Variants in PAXIP1 observed in about 807,000 individuals in gnomAD.
The protein encoded by PAXIP1 is PAX interacting protein 1.
PAXIP1 carries 19 observed loss-of-function variants against 140.6 expected under a neutral mutation model. The observed-to-expected ratio is 0.14, with a 90% CI of 0.09 to 0.20. PAXIP1 has a LOEUF of 0.20. Ranked by LOEUF, PAXIP1 falls within the 10% of genes least tolerant of loss-of-function variation. PAXIP1 has a pLI of 1.00. For synonymous variants in PAXIP1, 442 were observed against 444.6 expected (o/e 0.99, Z 0.07); for missense variants, 920 against 1,208.6 (o/e 0.76, Z 3.54).
chr7:154,986,120 A>G lies in PAXIP1; in HGVS notation c.325-2788T>C, dbSNP rs1268174397. 1 of 1,362,520 alleles carries G rather than the reference A, an allele frequency of 7.3e-7. No homozygotes were observed. The highest frequency in any genetic ancestry group is 9.8e-7 in the Non-Finnish European group (1 of 1,020,436). The allele number at this position is 1,362,520 out of a possible 1,614,324, so 84.4% of individuals were successfully genotyped here. ...TTCTGCTGGACAAGCTCCCTTCCCT[A>G]CCTCTCCCTGGGAGAGCTCTGGAAG... On this transcript the variant is annotated intron_variant, in intron 4 of 20. Coordinates refer to ENST00000404141, the MANE Select transcript of PAXIP1 (RefSeq NM_007349.4). This position sits in a 1 kb window ranked among gnomAD's most constrained non-coding sequence, Gnocchi z 4.8.
intron 7 of PAXIP1, 31 bp from the exon 8 acceptor site, chr7:154,967,941 T>G: frequency 6.7e-7 from 1 of 1,488,670 alleles, no homozygotes; most frequent in Non-Finnish European, 9.3e-7. Flanking sequence ...AAAAAGAAAA[T>G]TAAAACCCTA....
At chr7:154,955,670 AT>A in intron 14 of PAXIP1, 39 bp from the exon 15 acceptor site, 2 of 1,107,926 alleles carry the variant, frequency 1.8e-6, no homozygotes, top group Non-Finnish European at 2.6e-6. Flanking sequence ...GTGATTTCAT[AT>A]TTACTTACAA....
intron 20 of PAXIP1, 91 bp from the exon 21 acceptor site, chr7:154,944,255 A>G: frequency 2.6e-6 from 3 of 1,149,204 alleles, no homozygotes; most frequent in Non-Finnish European, 3.8e-6. Flanking sequence ...AGTTTCAGAG[A>G]CACCCTTGAA....
Position 154,975,779 on chromosome 7 carries a change from A to AT in PAXIP1, c.990_991insA (p.Trp331MetfsTer13). Reference sequence around the variant, plus strand: ...CTCAGTGTCCGTACAGCTGGACTCCAGGTAGCTATCATTTCTGATCTTTCA... The same window carrying AT: ...CTCAGTGTCCGTACAGCTGGACTCCATGGTAGCTATCATTTCTGATCTTTCA... On this transcript the variant is annotated frameshift_variant, in exon 6 of 21. Coordinates refer to ENST00000404141, the MANE Select transcript of PAXIP1 (RefSeq NM_007349.4). LOFTEE classifies it high-confidence loss of function. 1 of 1,613,874 alleles carries AT rather than the reference A, an allele frequency of 6.2e-7. No homozygotes were observed. The highest frequency in any genetic ancestry group is 8.5e-7 in the Non-Finnish European group (1 of 1,179,774).
In PAXIP1 at chr7:154,963,334, C is replaced by T. The variant is rs1439421359; in HGVS notation, c.1989+337G>A. Among the ~76,000 whole-genome samples the T allele has an allele frequency of 1.3e-5, 2 of 152,078 alleles. No homozygotes were observed. Among genetic ancestry groups the T allele is most frequent in the African/African-American group, 2.4e-5 (1 of 41,394 alleles). On this transcript the variant is annotated intron_variant, in intron 9 of 20. Transcript: ENST00000404141. The surrounding 1 kb of genome is among the most constrained non-coding windows in gnomAD (Gnocchi z 4.1). ...GGGATTAGAGCTGCGCACCACCACA[C>T]CTGGCTAATTTTTGTATTTTTAGTA...
chr7:154,960,173 G>A (rs974417763), intron 12 of PAXIP1, among the ~76,000 whole-genome samples: 1 of 152,202 alleles, frequency 6.6e-6, no homozygotes, highest in Non-Finnish European at 1.5e-5. Context: ...ACCATCGGCA[G>A]CAAACAACAA....
intron 4 of PAXIP1, among the ~76,000 whole-genome samples, chr7:154,990,185 G>C (rs1810263664): frequency 6.6e-6 from 1 of 151,878 alleles, no homozygotes; most frequent in South Asian, 2.1e-4. Context: ...GCGATTACAG[G>C]TGCGCACCAC....
chr7:155,002,953 C>G lies in PAXIP1; in HGVS notation c.-24G>C, dbSNP rs768808524. The stretch of plus-strand genomic sequence containing the variant: ...ATGATCGCGGCGGCCCGGGAGGCTC[C>G]GCGGCGGCGCCCGGCCCCGCCCACC... On this transcript the variant is annotated 5_prime_UTR_variant, in exon 1 of 21. Coordinates refer to ENST00000404141, the MANE Select transcript of PAXIP1 (RefSeq NM_007349.4). 1 of 1,172,810 alleles carries G rather than the reference C, an allele frequency of 8.5e-7. No homozygotes were observed. The highest frequency in any genetic ancestry group is 1.1e-6 in the Non-Finnish European group (1 of 924,408). 72.7% of individuals were successfully genotyped at this position (1,172,810 alleles called of 1,614,324 possible).
intron 13 of PAXIP1, among the ~76,000 whole-genome samples, chr7:154,958,859 T>C (rs1808640727): frequency 6.6e-6 from 1 of 152,200 alleles, no homozygotes; most frequent in Non-Finnish European, 1.5e-5. Flanking sequence ...TAAAATTCCT[T>C]TCAGCTAAAA....
At chr7:154,945,523 C>G in intron 20 of PAXIP1, 2 of 985,430 alleles carry the variant, frequency 2.0e-6, no homozygotes, top group Non-Finnish European at 2.4e-6. Context: ...CTTACTGAAG[C>G]AGTCCTATCC....
At chr7:154,985,531 T>TA (rs1810031402) in intron 4 of PAXIP1, among the ~76,000 whole-genome samples, 1 of 152,148 alleles carries the variant, frequency 6.6e-6, no homozygotes, top group Non-Finnish European at 1.5e-5. Flanking sequence ...CAGGTGGCAT[T>TA]ACCACTGTAC....
intron 6 of PAXIP1, among the ~76,000 whole-genome samples, chr7:154,972,791 C>T (rs946169855): frequency 6.6e-6 from 1 of 152,234 alleles, no homozygotes; most frequent in Non-Finnish European, 1.5e-5. Context: ...CCTGCCAGGA[C>T]TGGGTCACCT....
intron 1 of PAXIP1, 48 bp downstream of exon 1, chr7:155,002,801 C>CA: frequency 9.0e-7 from 1 of 1,109,130 alleles, no homozygotes; most frequent in Non-Finnish European, 1.2e-6. Flanking sequence ...CGGGGACGGA[C>CA]GGGGACGCGG....
At chr7:154,960,625 A>G (rs1313593136) in intron 12 of PAXIP1, among the ~76,000 whole-genome samples, 1 of 152,220 alleles carries the variant, frequency 6.6e-6, no homozygotes, top group African/African-American at 2.4e-5. Flanking sequence ...GCAGTGAGTC[A>G]TGATCACACC....
intron 6 of PAXIP1, among the ~76,000 whole-genome samples, chr7:154,972,746 C>T (rs1371644028): frequency 1.3e-5 from 2 of 152,220 alleles, no homozygotes; most frequent in African/African-American, 4.8e-5. Context: ...TATCCCACTG[C>T]TGACAGGACA....
intron 5 of PAXIP1, among the ~76,000 whole-genome samples, chr7:154,978,290 T>C (rs1809692190): frequency 6.6e-6 from 1 of 152,200 alleles, no homozygotes. Flanking sequence ...TTCACTACTA[T>C]GAAAAACTGC....
chr7:154,968,414 G>A lies in PAXIP1; in HGVS notation c.1787C>T (p.Pro596Leu). The A allele has an allele frequency of 6.5e-7, 1 of 1,547,702 alleles. No homozygotes were observed. Among genetic ancestry groups the A allele is most frequent in the Non-Finnish European group, 8.7e-7 (1 of 1,143,974 alleles). ...PQQHQLFGHD[P>L]AVEIPEEGFL... is the part of the protein sequence containing the mutation. ...TCTCCATTACTAACTCTCCACTGCTGGATCATGTCCAAAAAGCTGATGCTG... is the reference window on the plus strand; with the variant it reads ...TCTCCATTACTAACTCTCCACTGCTAGATCATGTCCAAAAAGCTGATGCTG... The change falls in exon 7 of 21, where the codon CCA (proline) becomes CTA (leucine). Residue 596 changes from proline (P) to leucine (L), a missense_variant. Coordinates refer to ENST00000404141, the MANE Select transcript of PAXIP1 (RefSeq NM_007349.4).
intron 16 of PAXIP1, among the ~76,000 whole-genome samples, chr7:154,952,594 T>C (rs1240771463): frequency 5.9e-5 from 9 of 152,202 alleles, no homozygotes; most frequent in Non-Finnish European, 1.5e-5. Context: ...ATGAGTTCAA[T>C]GTCAGTGAAT....
At chr7:154,962,990 T>C (rs1255375660) in intron 9 of PAXIP1, among the ~76,000 whole-genome samples, 1 of 152,096 alleles carries the variant, frequency 6.6e-6, no homozygotes, top group African/African-American at 2.4e-5. Flanking sequence ...GAAATGAAAC[T>C]TCAGAGAGCA....
Sources: allele counts gnomAD v4.1 joint callset (sites outside exome capture counted in the v4.1 genomes callset), GRCh38; gene constraint gnomAD v4.1.1; non-coding constraint Gnocchi (gnomAD v3.1); transcripts MANE v1.5; gene names NCBI Gene and HGNC (gene_info 2026-07-23, HGNC 2026-07-21).